CALN1: variants seen among roughly 807,000 people sequenced by gnomAD.
CALN1 encodes calcium-binding protein 8.
CALN1 carries 17 observed loss-of-function variants against 30.6 expected under a neutral mutation model. That is an observed-to-expected ratio of 0.56 (90% CI 0.38 to 0.83). CALN1 has a LOEUF of 0.83. Ranked by LOEUF, CALN1 falls within the 40% of genes least tolerant of loss-of-function variation. CALN1 has a pLI of 0.00. For missense variants in CALN1, 291 were observed against 354.9 expected (o/e 0.82, Z 1.45); for synonymous variants, 156 against 131.4 (o/e 1.19, Z -1.28).
chr7:72,011,975 C>T (rs1448308108), intron 5 of CALN1, among the ~76,000 whole-genome samples: 1 of 152,124 alleles, frequency 6.6e-6, no homozygotes, highest in African/African-American at 2.4e-5. Context: ...CCTTCCTGGG[C>T]GTCTACAGTT....
chr7:71,811,720 G>A (rs987102451), intron 5 of CALN1, among the ~76,000 whole-genome samples: 15 of 141,646 alleles, frequency 1.1e-4, no homozygotes, highest in African/African-American at 3.4e-4. Flanking sequence ...CTTCCATCTC[G>A]CAGGCTGGAG....
At chr7:71,892,846 A>C (rs2116891619) in intron 5 of CALN1, among the ~76,000 whole-genome samples, 1 of 152,242 alleles carries the variant, frequency 6.6e-6, no homozygotes, top group Admixed American at 6.5e-5. Flanking sequence ...AATTAACAAA[A>C]CAGCTAACTC....
chr7:72,040,820 A>T (rs912623040), intron 4 of CALN1, among the ~76,000 whole-genome samples: 1 of 152,214 alleles, frequency 6.6e-6, no homozygotes, highest in Non-Finnish European at 1.5e-5. Flanking sequence ...AGACAGGAAG[A>T]GAGGCTTCAG....
intron 2 of CALN1, among the ~76,000 whole-genome samples, chr7:72,327,189 G>C (rs1801338858): frequency 6.6e-6 from 1 of 152,166 alleles, no homozygotes; most frequent in Admixed American, 6.5e-5. Flanking sequence ...ACACATCAAT[G>C]GTTCTGAGTA....
At position 72,054,476 on chromosome 7, in the gene CALN1, C is replaced by CATAT. The variant is rs368100346; in HGVS notation, c.389-30708_389-30707insATAT. On this transcript the variant is annotated intron_variant, in intron 4 of 6. Coordinates refer to ENST00000395275, the MANE Select transcript of CALN1 (RefSeq NM_031468.4). ...ATATATACATATATATACATATATA[C>CATAT]ATACATATATATATACATATATACA... Among the ~76,000 whole-genome samples, 18 of 89,610 alleles carry CATAT rather than the reference C, an allele frequency of 2.0e-4. 1 individual carries two copies. The highest frequency in any genetic ancestry group is 4.8e-4 in the African/African-American group (14 of 29,050). The allele number at this position is 89,610 out of a possible 152,430, so 58.8% of individuals were successfully genotyped here.
chr7:72,056,927 T>C (rs192428251), intron 4 of CALN1, among the ~76,000 whole-genome samples: 1 of 152,074 alleles, frequency 6.6e-6, no homozygotes. Flanking sequence ...TGTTATTTCA[T>C]TTTTGTTGTT....
intron 3 of CALN1, among the ~76,000 whole-genome samples, chr7:72,261,787 A>G (rs1796289234): frequency 1.3e-5 from 2 of 152,172 alleles, no homozygotes; most frequent in South Asian, 4.1e-4. Context: ...CACCATCACC[A>G]TAAAACTTTA....
chr7:71,859,041 T>C (rs558705683), intron 5 of CALN1, among the ~76,000 whole-genome samples: 1 of 152,220 alleles, frequency 6.6e-6, no homozygotes, highest in East Asian at 1.9e-4. Context: ...TTTTTCTTTT[T>C]GTCTTTTTTC....
At chr7:71,908,810 C>T (rs1170459427) in intron 5 of CALN1, among the ~76,000 whole-genome samples, 1 of 152,136 alleles carries the variant, frequency 6.6e-6, no homozygotes, top group Non-Finnish European at 1.5e-5. Flanking sequence ...GTCAATGTGT[C>T]CACCCCCAGT....
chr7:71,990,018 T>C (rs117658759), intron 5 of CALN1, among the ~76,000 whole-genome samples: 3,263 of 152,228 alleles, frequency 0.021, 52 homozygotes, highest in Non-Finnish European at 0.033. Context: ...AAAATGAGGC[T>C]GAGACCTACT....
chr7:71,950,325 C>G (rs896791713), intron 5 of CALN1, among the ~76,000 whole-genome samples: 16 of 152,140 alleles, frequency 1.1e-4, no homozygotes, highest in African/African-American at 2.9e-4. Flanking sequence ...GGCAGAGGGA[C>G]TCATTCAAGG....
chr7:72,090,149 A>C (rs897591431), intron 4 of CALN1, among the ~76,000 whole-genome samples: 5 of 152,110 alleles, frequency 3.3e-5, no homozygotes, highest in Admixed American at 2.6e-4. Context: ...AAAAAGTACA[A>C]AAATTAGCCA....
At chr7:72,344,019 A>G (rs1443572445) in intron 2 of CALN1, among the ~76,000 whole-genome samples, 2 of 151,474 alleles carry the variant, frequency 1.3e-5, no homozygotes, top group Non-Finnish European at 2.9e-5. Flanking sequence ...AGAAAGGTCT[A>G]TTTTTTTTTA....
At chr7:72,358,582 G>A (rs1056860907) in intron 2 of CALN1, among the ~76,000 whole-genome samples, 13 of 152,074 alleles carry the variant, frequency 8.5e-5, no homozygotes, top group African/African-American at 2.2e-4. Context: ...CCCCAACTTC[G>A]GAGAGAGAAG....
At chr7:72,432,866 C>T (rs1173372249) in intron 1 of CALN1, among the ~76,000 whole-genome samples, 2 of 152,082 alleles carry the variant, frequency 1.3e-5, no homozygotes, top group Admixed American at 6.6e-5. Flanking sequence ...CGATCTGCCT[C>T]GGCAAAAAGA....
At chr7:71,828,006 G>T (rs1202147418) in intron 5 of CALN1, among the ~76,000 whole-genome samples, 1 of 152,042 alleles carries the variant, frequency 6.6e-6, no homozygotes, top group Non-Finnish European at 1.5e-5. Flanking sequence ...TTTCCACAAT[G>T]AATATGTATC....
chr7:72,413,437 G>C (rs957031310), upstream of CALN1, among the ~76,000 whole-genome samples: 28 of 151,308 alleles, frequency 1.9e-4, no homozygotes, highest in Non-Finnish European at 3.2e-4. Context: ...CACTCACATA[G>C]ACTCACATAC....
chr7:72,368,574 A>C (rs1366658464), intron 2 of CALN1, among the ~76,000 whole-genome samples: 2 of 152,144 alleles, frequency 1.3e-5, no homozygotes, highest in East Asian at 3.9e-4. Context: ...AAGAAAAATC[A>C]TCAAAAATGA....
intron 5 of CALN1, among the ~76,000 whole-genome samples, chr7:71,932,747 C>T (rs1023957034): frequency 7.5e-5 from 11 of 145,696 alleles, no homozygotes; most frequent in African/African-American, 2.0e-4. Context: ...ACCCGGGAGG[C>T]GGAGCTTACA....
Sources: allele counts gnomAD v4.1 joint callset (sites outside exome capture counted in the v4.1 genomes callset), GRCh38; gene constraint gnomAD v4.1.1; transcripts MANE v1.5; gene names NCBI Gene and HGNC (gene_info 2026-07-23, HGNC 2026-07-21).